Variants in CTNNA3 observed in about 807,000 individuals in gnomAD.
CTNNA3 encodes catenin alpha-3.
Under a neutral mutation model 95.7 loss-of-function variants are expected in CTNNA3, and 76 were observed. The observed-to-expected ratio is 0.79, with a 90% CI of 0.66 to 0.96. The LOEUF is 0.96. Among genes scored for constraint, CTNNA3 ranks in the 40% least tolerant of loss-of-function variants. The probability of loss-of-function intolerance (pLI) is 0.00; values close to 1 mark genes in which losing one functional copy is unlikely to be tolerated. For synonymous variants in CTNNA3, 431 were observed against 374.4 expected (o/e 1.15, Z -1.74); for missense variants, 1,191 against 1,089.8 (o/e 1.09, Z -1.31).
chr10:66,766,840 A>C (rs1208044361), intron 8 of CTNNA3, among the ~76,000 whole-genome samples: 1 of 152,186 alleles, frequency 6.6e-6, no homozygotes, highest in African/African-American at 2.4e-5. Flanking sequence ...GATTAGCTAA[A>C]TTGTAGACTT....
At chr10:67,321,019 A>T (rs1382894990) in intron 5 of CTNNA3, among the ~76,000 whole-genome samples, 3 of 152,024 alleles carry the variant, frequency 2.0e-5, no homozygotes, top group Non-Finnish European at 4.4e-5. Flanking sequence ...CTCCTGCTCC[A>T]CCCCACACAA....
At chr10:67,168,328 A>G (rs1295860806) in intron 7 of CTNNA3, among the ~76,000 whole-genome samples, 1 of 152,068 alleles carries the variant, frequency 6.6e-6, no homozygotes, top group Non-Finnish European at 1.5e-5. Flanking sequence ...GAGACACAAC[A>G]AAAAAAGAAA....
chr10:66,205,097 T>C (rs528902200), intron 13 of CTNNA3, among the ~76,000 whole-genome samples: 1 of 152,218 alleles, frequency 6.6e-6, no homozygotes, highest in East Asian at 1.9e-4. Flanking sequence ...AAAAATGTTG[T>C]TTTTCACTTT....
intron 1 of CTNNA3, among the ~76,000 whole-genome samples, chr10:67,661,301 G>A (rs1840181391): frequency 6.6e-6 from 1 of 151,152 alleles, no homozygotes; most frequent in African/African-American, 2.4e-5. Flanking sequence ...GAGGGAGGGA[G>A]GGAAGAAAGA....
chr10:67,428,123 T>A (rs997581435), intron 5 of CTNNA3, among the ~76,000 whole-genome samples: 2 of 152,020 alleles, frequency 1.3e-5, no homozygotes, highest in Non-Finnish European at 2.9e-5. Flanking sequence ...ACAATTAACA[T>A]AAACATTCAT....
At chr10:66,263,966 A>T (rs2091081610) in intron 13 of CTNNA3, among the ~76,000 whole-genome samples, 1 of 151,932 alleles carries the variant, frequency 6.6e-6, no homozygotes. Flanking sequence ...ATTTCTTGCC[A>T]ATCTCCTTTG....
intron 11 of CTNNA3, among the ~76,000 whole-genome samples, chr10:66,414,196 T>C (rs1428043300): frequency 6.6e-6 from 1 of 152,204 alleles, no homozygotes; most frequent in Non-Finnish European, 1.5e-5. Context: ...AAATGGGTTT[T>C]GAAATGGGCA....
chr10:66,655,976 A>T (rs1055096854), intron 9 of CTNNA3, among the ~76,000 whole-genome samples: 3 of 152,068 alleles, frequency 2.0e-5, no homozygotes, highest in Non-Finnish European at 2.9e-5. Context: ...GGAATAACAG[A>T]AGAAGTAGTA....
chr10:65,948,342 C>G (rs1031555207), intron 17 of CTNNA3, among the ~76,000 whole-genome samples: 1 of 151,658 alleles, frequency 6.6e-6, no homozygotes, highest in African/African-American at 2.4e-5. Flanking sequence ...GCACACCCCC[C>G]CCAACATAGT....
intron 7 of CTNNA3, among the ~76,000 whole-genome samples, chr10:67,060,011 C>T (rs144610709): frequency 6.6e-6 from 1 of 151,870 alleles, no homozygotes; most frequent in Non-Finnish European, 1.5e-5. Context: ...AGGTGAGGCA[C>T]GATGATAAAA....
chr10:67,197,443 G>T (rs1474670265), intron 6 of CTNNA3, among the ~76,000 whole-genome samples: 1 of 152,000 alleles, frequency 6.6e-6, no homozygotes, highest in Non-Finnish European at 1.5e-5. Context: ...ATTGTGCATA[G>T]TAGAGCATTA....
intron 5 of CTNNA3, among the ~76,000 whole-genome samples, chr10:67,466,189 T>C (rs544327853): frequency 6.6e-6 from 1 of 152,240 alleles, no homozygotes. Flanking sequence ...AATGCTATTT[T>C]TTCTAATTAT....
rs1201284261 is a variant in CTNNA3, at chr10:66,626,930, C to CA, written c.1282-5147dup. On this transcript the variant is annotated intron_variant, in intron 9 of 17. Transcript: ENST00000433211. ...CCCCCATCTCCAACACATACACACA[C>CA]ACAACAACAACAACAACAACAACAA... 6.6e-5 allele frequency among the ~76,000 whole-genome samples: 10 copies of CA among 150,770 alleles called. 1 individual carries two copies. The highest frequency in any genetic ancestry group is 2.2e-4 in the African/African-American group (9 of 41,022).
At chr10:66,041,404 T>C (rs1483968746) in intron 15 of CTNNA3, among the ~76,000 whole-genome samples, 5 of 152,222 alleles carry the variant, frequency 3.3e-5, no homozygotes, top group African/African-American at 4.8e-5. Flanking sequence ...ATAACATTAA[T>C]AGCACAAATG....
At chr10:67,026,814 C>T (rs904640468) in intron 7 of CTNNA3, among the ~76,000 whole-genome samples, 51 of 152,292 alleles carry the variant, frequency 3.3e-4, no homozygotes, top group African/African-American at 1.1e-3. Context: ...AAACTCTTCT[C>T]ATGTGTTAAT....
intron 12 of CTNNA3, among the ~76,000 whole-genome samples, chr10:66,350,057 A>T (rs1312994813): frequency 6.6e-6 from 1 of 152,138 alleles, no homozygotes; most frequent in Non-Finnish European, 1.5e-5. Context: ...ATAAAGTTAT[A>T]TCATTCAGTG....
At chr10:66,346,996 C>A (rs2132377502) in intron 12 of CTNNA3, among the ~76,000 whole-genome samples, 1 of 151,768 alleles carries the variant, frequency 6.6e-6, no homozygotes, top group African/African-American at 2.4e-5. Context: ...AAATGCCTCA[C>A]AAAAAGCAGC....
intron 5 of CTNNA3, among the ~76,000 whole-genome samples, chr10:67,408,025 A>C (rs1274073675): frequency 6.6e-6 from 1 of 152,186 alleles, no homozygotes; most frequent in Admixed American, 6.5e-5. Context: ...CTAGGAATAG[A>C]GCTAACACGG....
At position 66,362,108 on chromosome 10, in the gene CTNNA3, T is replaced by C. The variant is rs2092680471; in HGVS notation, c.1732+17044A>G. Among the ~76,000 whole-genome samples, 2 of 144,644 alleles carry C rather than the reference T, an allele frequency of 1.4e-5. 1 individual carries two copies. The highest frequency in any genetic ancestry group is 5.2e-5 in the African/African-American group (2 of 38,772). The allele number at this position is 144,644 out of a possible 152,430, so 94.9% of individuals were successfully genotyped here. A position where few individuals can be genotyped will look rare whatever the true frequency, so the allele number is the denominator to read the frequency against. ...AGGTTCATACACAATTTTTTTTTTT[T>C]TTTTTTTTTTTTTGAGACGGAGTCT... On this transcript the variant is annotated intron_variant, in intron 12 of 17. Coordinates refer to ENST00000433211, the MANE Select transcript of CTNNA3 (RefSeq NM_013266.4).
Sources: gnomAD v4.1 joint callset for allele counts (sites outside exome capture counted in the v4.1 genomes callset) on GRCh38, gnomAD v4.1.1 for gene constraint, MANE v1.5 for transcripts, NCBI Gene and HGNC (gene_info 2026-07-23, HGNC 2026-07-21) for gene names.